The following ATF6 variants were observed in gnomAD, a reference collection of about 807,000 sequenced individuals.
The protein encoded by ATF6 is cyclic AMP-dependent transcription factor ATF-6 alpha.
Under a neutral mutation model 83.6 loss-of-function variants are expected in ATF6, and 53 were observed. The ratio of observed to expected loss-of-function variants is 0.63; its 90% CI spans 0.51 to 0.80. ATF6 has a LOEUF of 0.80. Among genes scored for constraint, ATF6 ranks in the 30% least tolerant of loss-of-function variants. The pLI is 0.00. For missense variants in ATF6, 744 were observed against 797.9 expected (o/e 0.93, Z 0.81); for synonymous variants, 288 against 285.8 (o/e 1.01, Z -0.08).
intron 9 of ATF6, among the ~76,000 whole-genome samples, chr1:161,830,699 AG>A (rs1427038553): frequency 6.6e-6 from 1 of 152,278 alleles, no homozygotes; most frequent in Non-Finnish European, 1.5e-5. Context: ...CAATGGGGAA[AG>A]GATTCCCTAA....
Position 161,962,203 on chromosome 1 carries a change from C to T in ATF6, c.*3549C>T, listed in dbSNP as rs940231364. 8 of 151,900 alleles carry T rather than the reference C, an allele frequency of 5.3e-5. No homozygotes were observed. Among genetic ancestry groups the T allele is most frequent in the East Asian group, 3.9e-4 (2 of 5,186 alleles). 9.4% of individuals were successfully genotyped at this position (151,900 alleles called of 1,614,324 possible). A position where few individuals can be genotyped will look rare whatever the true frequency, so the allele number is the denominator to read the frequency against. On this transcript the variant is annotated 3_prime_UTR_variant, in exon 16 of 16. Transcript: ENST00000367942. ...ATTTCTTGCCAGTAAGAAGTTGACACGGAGGTATTTGAAAGCAATGTTATG... is the reference window on the plus strand; with the variant it reads ...ATTTCTTGCCAGTAAGAAGTTGACATGGAGGTATTTGAAAGCAATGTTATG...
chr1:161,770,004 A>G (rs1201158142), intron 1 of ATF6, among the ~76,000 whole-genome samples: 1 of 152,168 alleles, frequency 6.6e-6, no homozygotes, highest in Non-Finnish European at 1.5e-5. Flanking sequence ...AATGACATGT[A>G]TCCATAATTA....
intron 10 of ATF6, among the ~76,000 whole-genome samples, chr1:161,849,407 G>C (rs1336790325): frequency 6.6e-6 from 1 of 152,158 alleles, no homozygotes. Context: ...TTTCTCTCGT[G>C]TGTGGCATAA....
At chr1:161,869,519 C>G (rs1359221864) in intron 14 of ATF6, among the ~76,000 whole-genome samples, 1 of 151,578 alleles carries the variant, frequency 6.6e-6, no homozygotes, top group Non-Finnish European at 1.5e-5. Flanking sequence ...GAGCCAAATT[C>G]TAGCTGGAAA....
chr1:161,803,530 GC>G (rs1234910193), intron 7 of ATF6, among the ~76,000 whole-genome samples: 1 of 152,194 alleles, frequency 6.6e-6, no homozygotes, highest in Non-Finnish European at 1.5e-5. Flanking sequence ...CTAATACATA[GC>G]GTGTGTTTCA....
chr1:161,781,828 G>A (rs1304242324), intron 2 of ATF6, 84 bp from the exon 3 acceptor site: 2 of 871,282 alleles, frequency 2.3e-6, no homozygotes, highest in African/African-American at 3.4e-5. Context: ...TAAATTATTT[G>A]TGCCAAATTG....
intron 9 of ATF6, among the ~76,000 whole-genome samples, chr1:161,838,584 G>T (rs1686278860): frequency 6.6e-6 from 1 of 152,124 alleles, no homozygotes; most frequent in East Asian, 1.9e-4. Context: ...AGGGTTCTTG[G>T]TTTTTCTTCA....
Position 161,802,043 on chromosome 1 carries a change from C to G in ATF6, c.689-9C>G, listed in dbSNP as rs1685161761. Reference sequence around the variant, plus strand: ...TACCCTTTGATTCCTTTTCTTTTTTCTAACGCAGGCCAGACGGTTTTGCTG... The same window carrying G: ...TACCCTTTGATTCCTTTTCTTTTTTGTAACGCAGGCCAGACGGTTTTGCTG... On this transcript the variant is annotated splice_polypyrimidine_tract_variant and intron_variant, in intron 6 of 15. Coordinates refer to ENST00000367942, the MANE Select transcript of ATF6 (RefSeq NM_007348.4). 1 of 1,613,182 alleles carries G rather than the reference C, an allele frequency of 6.2e-7. No homozygotes were observed. Among genetic ancestry groups the G allele is most frequent in the South Asian group, 1.1e-5 (1 of 91,032 alleles).
At chr1:161,857,641 G>A (rs1301737396) in intron 12 of ATF6, among the ~76,000 whole-genome samples, 2 of 152,038 alleles carry the variant, frequency 1.3e-5, no homozygotes, top group African/African-American at 2.4e-5. Context: ...ATCAGAATGG[G>A]CAAATATTTG....
chr1:161,792,260 A>G lies in ATF6; in HGVS notation c.621A>G (p.Thr207=), dbSNP rs760640737. 1.2e-6 allele frequency: 2 copies of G among 1,614,178 alleles called. No individual in the cohort carries two copies. Among genetic ancestry groups the G allele is most frequent in the South Asian group, 1.1e-5 (1 of 91,082 alleles). ...SVPAKTIIIQ[T]VPTLMPLAKQ... ...CAGCAAAAACCATCATTATTCAGAC[A>G]GTACCAACGCTTATGCCATTGGCAA... The change falls in exon 6 of 16, where the codon ACA becomes ACG. Residue 207 remains threonine, a synonymous_variant. Transcript: ENST00000367942.
At chr1:161,825,638 G>T (rs938820559) in intron 9 of ATF6, among the ~76,000 whole-genome samples, 2 of 152,142 alleles carry the variant, frequency 1.3e-5, no homozygotes, top group Non-Finnish European at 2.9e-5. Context: ...AAGGTATAGG[G>T]GAAGAGTGCA....
chr1:161,853,396 T>G, intron 12 of ATF6, 73 bp downstream of exon 12: 20 of 1,122,238 alleles, frequency 1.8e-5, no homozygotes, highest in Non-Finnish European at 2.3e-5. Flanking sequence ...GGTTACTCTC[T>G]TCCCTAGAAG....
At chr1:161,861,483 C>G (rs1686885154) in intron 13 of ATF6, among the ~76,000 whole-genome samples, 1 of 152,110 alleles carries the variant, frequency 6.6e-6, no homozygotes, top group African/African-American at 2.4e-5. Flanking sequence ...ACTAATCATT[C>G]TCTGCTAACC....
chr1:161,807,215 A>G (rs1685309044), intron 7 of ATF6, among the ~76,000 whole-genome samples: 1 of 152,218 alleles, frequency 6.6e-6, no homozygotes, highest in African/African-American at 2.4e-5. Context: ...CAAGAAAAAT[A>G]TGTCTATAAT....
chr1:161,829,205 T>TTTTTTTTTTC, intron 9 of ATF6, among the ~76,000 whole-genome samples: 1 of 146,410 alleles, frequency 6.8e-6, no homozygotes, highest in African/African-American at 2.5e-5. Flanking sequence ...TTTTTTTTTT[T>TTTTTTTTTTC]TTTTTTTTTG....
Position 161,820,014 on chromosome 1 carries a change from A to G in ATF6, c.1095+196A>G, listed in dbSNP as rs534084419. 5.9e-5 allele frequency among the ~76,000 whole-genome samples: 9 copies of G among 152,326 alleles called. No homozygotes were observed. The South Asian group carries it at 1.2e-3, about 21-fold the overall frequency. Reference sequence around the variant, plus strand: ...CCCTTTGAATTGTACTCCCCAATCTACATAGAAAAGTTGTCTCCTTTTCCT... The same window carrying G: ...CCCTTTGAATTGTACTCCCCAATCTGCATAGAAAAGTTGTCTCCTTTTCCT... On this transcript the variant is annotated intron_variant, in intron 8 of 15. Transcript: ENST00000367942.
Position 161,961,578 on chromosome 1 carries a change from T to TA in ATF6, c.*2924_*2925insA, listed in dbSNP as rs1212879979. ...AGTTGCCATGCCAGATTAATTTTTT[T>TA]TTTTTTTTTTGGTGGGATTGCCTTT... On this transcript the variant is annotated 3_prime_UTR_variant, in exon 16 of 16. Transcript: ENST00000367942. 1 of 152,156 alleles carries TA rather than the reference T, an allele frequency of 6.6e-6. No homozygotes were observed. The highest frequency in any genetic ancestry group is 1.5e-5 in the Non-Finnish European group (1 of 68,016). 9.4% of individuals were successfully genotyped at this position (152,156 alleles called of 1,614,324 possible).
At chr1:161,792,999 T>C (rs1232305046) in intron 6 of ATF6, among the ~76,000 whole-genome samples, 1 of 152,198 alleles carries the variant, frequency 6.6e-6, no homozygotes, top group Non-Finnish European at 1.5e-5. Flanking sequence ...CATACTGATA[T>C]CTGTATACAC....
intron 9 of ATF6, among the ~76,000 whole-genome samples, chr1:161,833,612 C>T (rs542419605): frequency 1.3e-5 from 2 of 152,222 alleles, no homozygotes; most frequent in South Asian, 4.1e-4. Context: ...GACGAATGCA[C>T]AAGCCTCAGT....
Sources: allele counts gnomAD v4.1 joint callset (sites outside exome capture counted in the v4.1 genomes callset), GRCh38; gene constraint gnomAD v4.1.1; transcripts MANE v1.5; gene names NCBI Gene and HGNC (gene_info 2026-07-23, HGNC 2026-07-21).